Variants in PDZD2 observed in about 807,000 individuals in gnomAD.
The protein encoded by PDZD2 is PDZ domain-containing protein 2.
A neutral mutation model predicts 220.7 loss-of-function variants in PDZD2; 90 were observed. The ratio of observed to expected loss-of-function variants is 0.41; its 90% confidence interval spans 0.34 to 0.49. PDZD2 has a LOEUF of 0.49. PDZD2 is among the 20% of genes least tolerant of loss of function. The pLI is 0.28. For synonymous variants in PDZD2, 1,375 were observed against 1,450.5 expected (o/e 0.95, Z 1.18); for missense variants, 3,174 against 3,608.5 (o/e 0.88, Z 3.08).
intron 6 of PDZD2, 184 bp downstream of exon 6, chr5:32,010,666 C>T (rs1343516190): frequency 2.9e-6 from 2 of 679,370 alleles, no homozygotes; most frequent in Admixed American, 2.0e-5. Context: ...TGATATTTTT[C>T]CTTTAAGGAA....
intron 1 of PDZD2, among the ~76,000 whole-genome samples, chr5:31,730,592 G>GTGGGGT (rs3222598): frequency 8.3e-6 from 1 of 121,172 alleles, no homozygotes; most frequent in East Asian, 2.5e-4. Context: ...GTGTGTGTGT[G>GTGGGGT]GTGTGTGTGT....
intron 6 of PDZD2, among the ~76,000 whole-genome samples, chr5:32,028,974 C>T (rs1231093230): frequency 6.6e-6 from 1 of 152,092 alleles, no homozygotes. Flanking sequence ...TGAGTCACCG[C>T]GCCCAGCCAT....
intron 2 of PDZD2, among the ~76,000 whole-genome samples, chr5:31,831,050 A>G (rs879360117): frequency 2.6e-5 from 4 of 152,256 alleles, no homozygotes; most frequent in Non-Finnish European, 5.9e-5. Context: ...TTTCCTTATC[A>G]GAGATCATTA....
At chr5:31,958,288 CTT>C (rs1747908922) in intron 2 of PDZD2, among the ~76,000 whole-genome samples, 1 of 150,706 alleles carries the variant, frequency 6.6e-6, no homozygotes, top group African/African-American at 2.4e-5. Flanking sequence ...GAGTCTCACT[CTT>C]TTGCCCAGGC....
chr5:31,989,265 A>G (rs1750985068), intron 3 of PDZD2, among the ~76,000 whole-genome samples: 1 of 151,904 alleles, frequency 6.6e-6, no homozygotes, highest in Non-Finnish European at 1.5e-5. Context: ...TTCACCTCCC[A>G]CTTATGAGTG....
chr5:31,822,499 C>G, intron 2 of PDZD2: 1 of 512,900 alleles, frequency 1.9e-6, no homozygotes, highest in South Asian at 1.6e-5. Context: ...TTAAATATCA[C>G]ATATAGGTCT....
At chr5:32,061,500 G>A (rs1739689167) in intron 14 of PDZD2, among the ~76,000 whole-genome samples, 1 of 152,080 alleles carries the variant, frequency 6.6e-6, no homozygotes, top group Admixed American at 6.6e-5. Context: ...AGATAAGAAG[G>A]CTTTTCTTAC....
chr5:32,035,169 A>T (rs1755435556), intron 6 of PDZD2, among the ~76,000 whole-genome samples: 2 of 152,238 alleles, frequency 1.3e-5, no homozygotes, highest in Admixed American at 1.3e-4. Flanking sequence ...TACATATTGT[A>T]TACAGAATTT....
rs868655803 is a variant in PDZD2 at position 31,661,844 on chromosome 5, C to T, written c.-361+22407C>T. Among the ~76,000 whole-genome samples, 10 of 137,874 alleles carry T rather than the reference C, an allele frequency of 7.3e-5. No individual in the cohort carries two copies. In the Middle Eastern group the frequency reaches 0.019, roughly 255 times the overall value. The allele number at this position is 137,874 out of a possible 152,430, so 90.5% of individuals were successfully genotyped here. A position where few individuals can be genotyped will look rare whatever the true frequency, so the allele number is the denominator to read the frequency against. On this transcript the variant is annotated intron_variant, in intron 1 of 24. Transcript: ENST00000438447. ...TATTCAGGGGCAAAAAGGTAAATGT[C>T]GTAACTGTACAAGGTGCAGGCAGGG... is the stretch of plus-strand genomic sequence containing the variant.
intron 2 of PDZD2, among the ~76,000 whole-genome samples, chr5:31,982,821 G>A (rs1417914303): frequency 6.6e-6 from 1 of 152,182 alleles, no homozygotes; most frequent in East Asian, 1.9e-4. Context: ...GAAATGGTTG[G>A]AGTGAAGAAG....
At chr5:31,825,657 A>G (rs1472038864) in intron 2 of PDZD2, among the ~76,000 whole-genome samples, 1 of 152,166 alleles carries the variant, frequency 6.6e-6, no homozygotes, top group African/African-American at 2.4e-5. Flanking sequence ...AACTGTCAGC[A>G]CAGTTGAATT....
intron 1 of PDZD2, among the ~76,000 whole-genome samples, chr5:31,790,311 T>C (rs904980865): frequency 1.3e-5 from 2 of 152,126 alleles, no homozygotes; most frequent in African/African-American, 4.8e-5. Context: ...TTGGCCAGGA[T>C]TGTCTCAGTC....
chr5:31,938,870 C>G (rs1745984479), intron 2 of PDZD2, among the ~76,000 whole-genome samples: 1 of 152,156 alleles, frequency 6.6e-6, no homozygotes, highest in South Asian at 2.1e-4. Flanking sequence ...ATCTGGTGAC[C>G]TTGTTCATGT....
chr5:31,781,428 A>G (rs1188225004), intron 1 of PDZD2, among the ~76,000 whole-genome samples: 2 of 152,172 alleles, frequency 1.3e-5, no homozygotes, highest in Non-Finnish European at 2.9e-5. Flanking sequence ...AAGCAACAAC[A>G]ACAACAAACA....
intron 1 of PDZD2, among the ~76,000 whole-genome samples, chr5:31,696,443 A>G (rs998119258): frequency 6.7e-6 from 1 of 149,542 alleles, no homozygotes; most frequent in Non-Finnish European, 1.5e-5. Context: ...CTACAGGCAC[A>G]CACCACCACA....
intron 6 of PDZD2, among the ~76,000 whole-genome samples, chr5:32,016,049 A>G (rs1054901681): frequency 6.6e-6 from 1 of 152,194 alleles, no homozygotes; most frequent in African/African-American, 2.4e-5. Context: ...AGGTTTTAGA[A>G]GGAATAAGGG....
chr5:32,077,561 A>C lies in PDZD2; in HGVS notation c.3637A>C (p.Asn1213His). ...SHLDASHLTE[N>H]LPKAASELGQ... Reference sequence around the variant, plus strand: ...TCTGGATGCCAGCCACCTCACAGAGAACCTGCCCAAAGCTGCATCAGAGCT... The same window carrying C: ...TCTGGATGCCAGCCACCTCACAGAGCACCTGCCCAAAGCTGCATCAGAGCT... Residue 1213 changes from asparagine to histidine, a missense_variant, in exon 19 of 25, where the codon AAC (asparagine) becomes CAC (histidine). Physicochemically the swap from Asn to His is moderately conservative, Grantham distance 68. Coordinates refer to ENST00000438447, the MANE Select transcript of PDZD2 (RefSeq NM_178140.4). The C allele has an allele frequency of 6.2e-7, 1 of 1,614,158 alleles. No individual in the cohort carries two copies. The highest frequency in any genetic ancestry group is 1.1e-5 in the South Asian group (1 of 91,082).
intron 2 of PDZD2, chr5:31,854,878 C>G (rs761839466): frequency 1.5e-6 from 1 of 659,798 alleles, no homozygotes; most frequent in Non-Finnish European, 1.9e-6. Context: ...GCATTACAGG[C>G]TTTTCCTAAC....
At chr5:31,899,458 G>A (rs149500389) in intron 2 of PDZD2, among the ~76,000 whole-genome samples, 51 of 152,244 alleles carry the variant, frequency 3.3e-4, no homozygotes, top group African/African-American at 1.2e-3. Context: ...ACAAGGGAAA[G>A]CTCTGGACTT....
Sources: allele counts gnomAD v4.1 joint callset (sites outside exome capture counted in the v4.1 genomes callset), GRCh38; gene constraint gnomAD v4.1.1; transcripts MANE v1.5; gene names NCBI Gene and HGNC (gene_info 2026-07-23, HGNC 2026-07-21).